Variants in CDH12 observed in about 807,000 individuals in gnomAD.
CDH12 encodes cadherin-12.
Under a neutral mutation model 74.1 loss-of-function variants are expected in CDH12, and 41 were observed. That is an observed-to-expected ratio of 0.55 (90% confidence interval 0.43 to 0.72). CDH12 has a LOEUF of 0.72. Among genes scored for constraint, CDH12 ranks in the 30% least tolerant of loss-of-function variants. CDH12 has a pLI of 0.00. For synonymous variants in CDH12, 399 were observed against 355.0 expected (o/e 1.12, Z -1.39); for missense variants, 945 against 977.2 (o/e 0.97, Z 0.44).
intron 1 of CDH12, among the ~76,000 whole-genome samples, chr5:22,814,194 A>G (rs1749282539): frequency 6.6e-6 from 1 of 152,172 alleles, no homozygotes; most frequent in Non-Finnish European, 1.5e-5. Flanking sequence ...AATATTATAA[A>G]TGCTTGGCCC....
At chr5:22,017,580 T>G (rs2150157985) in intron 5 of CDH12, among the ~76,000 whole-genome samples, 1 of 152,176 alleles carries the variant, frequency 6.6e-6, no homozygotes, top group African/African-American at 2.4e-5. Context: ...TTGGACGAAA[T>G]CATAAAGAGA....
intron 1 of CDH12, among the ~76,000 whole-genome samples, chr5:22,694,501 T>C (rs1742246216): frequency 6.6e-6 from 1 of 152,150 alleles, no homozygotes; most frequent in Admixed American, 6.5e-5. Flanking sequence ...CCAAATACTC[T>C]ATTGTTTTTC....
intron 1 of CDH12, among the ~76,000 whole-genome samples, chr5:22,597,967 C>T (rs1411959844): frequency 1.3e-5 from 2 of 151,974 alleles, no homozygotes; most frequent in Non-Finnish European, 2.9e-5. Context: ...TTAATTGAAT[C>T]AATTGGTCAG....
At chr5:21,901,212 A>G (rs1412261619) in intron 6 of CDH12, among the ~76,000 whole-genome samples, 2 of 152,162 alleles carry the variant, frequency 1.3e-5, no homozygotes, top group Non-Finnish European at 2.9e-5. Context: ...GTCAACATAT[A>G]AAGTTCAATA....
At chr5:22,316,380 GA>G (rs1738635806) in intron 3 of CDH12, among the ~76,000 whole-genome samples, 1 of 152,050 alleles carries the variant, frequency 6.6e-6, no homozygotes, top group African/African-American at 2.4e-5. Context: ...AAAGTTTGTA[GA>G]AGACTGCCTT....
At chr5:21,988,946 A>G (rs1485442216) in intron 5 of CDH12, among the ~76,000 whole-genome samples, 1 of 152,168 alleles carries the variant, frequency 6.6e-6, no homozygotes, top group Non-Finnish European at 1.5e-5. Context: ...AGTAGAAATT[A>G]GGAGAAACGT....
chr5:21,883,300 G>T (rs963881343), intron 6 of CDH12: 1 of 1,480,146 alleles, frequency 6.8e-7, no homozygotes, highest in African/African-American at 1.4e-5. Flanking sequence ...GGTCAGAAAT[G>T]TGAATTCCAG....
Position 22,520,900 on chromosome 5 carries a change from T to C in CDH12, c.-522-15536A>G, listed in dbSNP as rs994799377. 2.6e-5 allele frequency among the ~76,000 whole-genome samples: 4 copies of C among 152,250 alleles called. No homozygotes were observed. In the South Asian group the frequency reaches 8.3e-4, roughly 32 times the overall value. On this transcript the variant is annotated intron_variant, in intron 1 of 14. Coordinates refer to ENST00000382254, the MANE Select transcript of CDH12 (RefSeq NM_004061.5). ...TATATTGCACGTGGTTTCCGTTAGT[T>C]ATTTATTATGAATCCTCTTTAGATG...
intron 1 of CDH12, among the ~76,000 whole-genome samples, chr5:22,621,830 T>C (rs538827693): frequency 1.3e-5 from 2 of 151,824 alleles, no homozygotes; most frequent in East Asian, 3.9e-4. Flanking sequence ...AGCTGGTAAA[T>C]AAAAAAAATC....
chr5:22,464,462 T>C (rs1745644013), intron 2 of CDH12, among the ~76,000 whole-genome samples: 1 of 152,200 alleles, frequency 6.6e-6, no homozygotes, highest in Non-Finnish European at 1.5e-5. Flanking sequence ...CTGTTTAAGC[T>C]ACTCCCCCTT....
At chr5:22,678,047 G>GGGT (rs1741298774) in intron 1 of CDH12, among the ~76,000 whole-genome samples, 1 of 109,898 alleles carries the variant, frequency 9.1e-6, no homozygotes, top group Non-Finnish European at 2.1e-5. Context: ...ATCCTCATGG[G>GGGT]GGGGGGGGTT....
intron 4 of CDH12, among the ~76,000 whole-genome samples, chr5:22,162,419 C>T (rs1428006244): frequency 2.6e-5 from 4 of 152,108 alleles, no homozygotes; most frequent in Admixed American, 2.0e-4. Flanking sequence ...GAACTTGTTC[C>T]TTATTTTGGT....
chr5:22,846,170 A>C (rs1581057777), intron 1 of CDH12, among the ~76,000 whole-genome samples: 1 of 152,194 alleles, frequency 6.6e-6, no homozygotes, highest in African/African-American at 2.4e-5. Context: ...ACTGAGATAA[A>C]GAAGATTAGG....
intron 1 of CDH12, among the ~76,000 whole-genome samples, chr5:22,732,454 GTGTATATATA>G (rs1250218124): frequency 3.0e-5 from 2 of 65,622 alleles, no homozygotes; most frequent in Admixed American, 1.5e-4. Flanking sequence ...GTGAATGTGT[GTGTATATATA>G]TATATATACA....
intron 5 of CDH12, among the ~76,000 whole-genome samples, chr5:22,043,246 C>T (rs1225057926): frequency 3.3e-5 from 5 of 152,018 alleles, no homozygotes; most frequent in Admixed American, 1.3e-4. Context: ...GATTATTCAC[C>T]GTGAGCAAGT....
At chr5:22,843,206 C>T (rs377498452) in intron 1 of CDH12, among the ~76,000 whole-genome samples, 3 of 151,938 alleles carry the variant, frequency 2.0e-5, no homozygotes, top group East Asian at 1.9e-4. Context: ...CTCTGTGAAT[C>T]CACAATACTG....
chr5:22,664,966 T>C (rs268975), intron 1 of CDH12, among the ~76,000 whole-genome samples: 122,124 of 152,086 alleles, frequency 0.8, 49,800 homozygotes, highest in African/African-American at 0.95. Context: ...ATTTGTTTTA[T>C]GAATGGGGTC....
At chr5:22,382,521 A>G (rs1243952062) in intron 3 of CDH12, among the ~76,000 whole-genome samples, 1 of 151,556 alleles carries the variant, frequency 6.6e-6, no homozygotes, top group East Asian at 1.9e-4. Flanking sequence ...TCTCAGGGCC[A>G]CTGGTTATGT....
chr5:22,136,998 G>T (rs1193709918), intron 4 of CDH12, among the ~76,000 whole-genome samples: 1 of 151,256 alleles, frequency 6.6e-6, no homozygotes, highest in Non-Finnish European at 1.5e-5. Flanking sequence ...ACATCATGAA[G>T]AAAATAGCAA....
Sources: allele counts gnomAD v4.1 joint callset (sites outside exome capture counted in the v4.1 genomes callset), GRCh38; gene constraint gnomAD v4.1.1; transcripts MANE v1.5; gene names NCBI Gene and HGNC (gene_info 2026-07-23, HGNC 2026-07-21).